The following ENTREP2 variants were observed in gnomAD, a reference collection of about 807,000 sequenced individuals.
ENTREP2 encodes the protein endosomal transmembrane epsin interactor 2, also known as protein ENTREP2.
the ENTREP2 span, among the ~76,000 whole-genome samples, chr15:29,595,532 TA>T: frequency 6.6e-6 from 1 of 152,138 alleles, no homozygotes; most frequent in Non-Finnish European, 1.5e-5. Context: ...ACAGTATAAT[TA>T]GTTGTCGCGT....
the ENTREP2 span, chr15:29,374,533 G>A: frequency 6.6e-6 from 1 of 151,874 alleles, no homozygotes; most frequent in East Asian, 1.9e-4. Context: ...TTATTCAAAT[G>A]TTATAAACCC....
chr15:29,323,310 A>G, the ENTREP2 span, among the ~76,000 whole-genome samples: 1 of 152,108 alleles, frequency 6.6e-6, no homozygotes, highest in Non-Finnish European at 1.5e-5. Flanking sequence ...CCAGTGGTTT[A>G]ATCAATCATG....
the ENTREP2 span, among the ~76,000 whole-genome samples, chr15:29,290,517 T>C: frequency 1.3e-5 from 2 of 152,242 alleles, no homozygotes; most frequent in African/African-American, 4.8e-5. Flanking sequence ...CTGCCCATTC[T>C]GTATGATCAA....
chr15:29,420,835 C>T, the ENTREP2 span, among the ~76,000 whole-genome samples: 1 of 152,200 alleles, frequency 6.6e-6, no homozygotes, highest in East Asian at 1.9e-4. Flanking sequence ...GTGCTGTGGA[C>T]TGACCAGCCC....
the ENTREP2 span, chr15:29,612,509 A>G: frequency 6.6e-6 from 1 of 152,576 alleles, no homozygotes; most frequent in South Asian, 2.1e-4. Flanking sequence ...AAAAAAAAAA[A>G]AAAGACATAT....
chr15:29,334,854 G>A, the ENTREP2 span, among the ~76,000 whole-genome samples: 1 of 152,220 alleles, frequency 6.6e-6, no homozygotes, highest in Non-Finnish European at 1.5e-5. Flanking sequence ...ACGTGGTGAG[G>A]AAGCCCAGGT....
At chr15:29,278,639 CAT>C in the ENTREP2 span, among the ~76,000 whole-genome samples, 4 of 152,188 alleles carry the variant, frequency 2.6e-5, no homozygotes, top group Admixed American at 2.6e-4. Context: ...CTTGCCACCT[CAT>C]ACTTTTTCAG....
At chr15:29,282,219 G>C in the ENTREP2 span, among the ~76,000 whole-genome samples, 1 of 152,084 alleles carries the variant, frequency 6.6e-6, no homozygotes, top group Non-Finnish European at 1.5e-5. Flanking sequence ...CCCCCATACT[G>C]TTCTCATGCT....
chr15:29,126,131 T>G, the ENTREP2 span: 1 of 738,066 alleles, frequency 1.4e-6, no homozygotes, highest in African/African-American at 1.8e-5. Flanking sequence ...TCAGGGGCCA[T>G]CAAGACCACA....
chr15:29,255,778 G>C, the ENTREP2 span, among the ~76,000 whole-genome samples: 4 of 152,002 alleles, frequency 2.6e-5, no homozygotes, highest in Non-Finnish European at 5.9e-5. Context: ...GAGGCGGGCG[G>C]ATCAAAAGGT....
chr15:29,457,906 C>T, the ENTREP2 span, among the ~76,000 whole-genome samples: 2 of 152,160 alleles, frequency 1.3e-5, no homozygotes, highest in Non-Finnish European at 2.9e-5. Flanking sequence ...GGCACGGCTT[C>T]CTCACACCCG....
the ENTREP2 span, among the ~76,000 whole-genome samples, chr15:29,335,376 T>C: frequency 6.6e-6 from 1 of 152,182 alleles, no homozygotes; most frequent in Non-Finnish European, 1.5e-5. Flanking sequence ...CCAAACCACA[T>C]CATACTCTGT....
At chr15:29,506,934 T>G in the ENTREP2 span, among the ~76,000 whole-genome samples, 1 of 152,168 alleles carries the variant, frequency 6.6e-6, no homozygotes, top group Non-Finnish European at 1.5e-5. Context: ...ATGGGCTGAA[T>G]GCCCCCAATT....
chr15:29,343,027 T>C, the ENTREP2 span, among the ~76,000 whole-genome samples: 1 of 130,886 alleles, frequency 7.6e-6, no homozygotes, highest in East Asian at 2.5e-4. Context: ...TAAAAAGGAA[T>C]GGGGGGGGTG....
At chr15:29,547,021 A>G in the ENTREP2 span, among the ~76,000 whole-genome samples, 11 of 152,116 alleles carry the variant, frequency 7.2e-5, no homozygotes, top group Admixed American at 6.5e-4. Flanking sequence ...AAGAGGGCTC[A>G]ACATATGTAT....
At chr15:29,132,295 C>T in the ENTREP2 span, among the ~76,000 whole-genome samples, 1 of 152,214 alleles carries the variant, frequency 6.6e-6, no homozygotes, top group Non-Finnish European at 1.5e-5. Context: ...GCGGCACGGC[C>T]TTCCCTCTGT....
At chr15:29,466,228 A>G in the ENTREP2 span, among the ~76,000 whole-genome samples, 3 of 152,158 alleles carry the variant, frequency 2.0e-5, no homozygotes, top group African/African-American at 7.2e-5. Flanking sequence ...AGGAGGGGAG[A>G]GCAAGAAAGC....
the ENTREP2 span, among the ~76,000 whole-genome samples, chr15:29,660,851 T>C: frequency 1.2e-4 from 18 of 152,180 alleles, no homozygotes; most frequent in Non-Finnish European, 1.6e-4. Context: ...ACAGTATTCA[T>C]GGGATGTGAA....
chr15:29,668,472 A>G, the ENTREP2 span, among the ~76,000 whole-genome samples: 19 of 152,284 alleles, frequency 1.2e-4, no homozygotes, highest in East Asian at 3.5e-3. Flanking sequence ...GTTCCTAGCA[A>G]TATTACTCCT....
Sources: allele counts gnomAD v4.1 joint callset (sites outside exome capture counted in the v4.1 genomes callset), GRCh38; gene constraint gnomAD v4.1.1; transcripts MANE v1.5; gene names NCBI Gene and HGNC (gene_info 2026-07-23, HGNC 2026-07-21).